The following KCNT2 variants were observed in gnomAD, a reference collection of about 807,000 sequenced individuals.
The protein encoded by KCNT2 is potassium sodium-activated channel subfamily T member 2, also known as potassium channel subfamily T member 2.
A neutral mutation model predicts 153.8 loss-of-function variants in KCNT2; 67 were observed. The ratio of observed to expected loss-of-function variants is 0.44; its 90% CI spans 0.36 to 0.53. The LOEUF (loss-of-function observed/expected upper bound fraction) is 0.53. KCNT2 is among the 20% of genes least tolerant of loss of function. The pLI is 0.00. For missense variants in KCNT2, 975 were observed against 1,354.8 expected (o/e 0.72, Z 4.40); for synonymous variants, 500 against 458.8 (o/e 1.09, Z -1.15).
At chr1:196,601,937 A>G (rs1363250466) in intron 1 of KCNT2, among the ~76,000 whole-genome samples, 1 of 152,200 alleles carries the variant, frequency 6.6e-6, no homozygotes, top group Non-Finnish European at 1.5e-5. Flanking sequence ...CCTATTTACT[A>G]TCTCACAATG....
At chr1:196,528,474 G>T (rs1429863597) in intron 1 of KCNT2, among the ~76,000 whole-genome samples, 1 of 152,044 alleles carries the variant, frequency 6.6e-6, no homozygotes, top group African/African-American at 2.4e-5. Flanking sequence ...AGTAGAAATG[G>T]CATGAACTAA....
At chr1:196,284,483 C>T (rs1481416394) in intron 23 of KCNT2, among the ~76,000 whole-genome samples, 1 of 150,978 alleles carries the variant, frequency 6.6e-6, no homozygotes, top group Non-Finnish European at 1.5e-5. Context: ...ACAGAGGATA[C>T]TGTGGCTAAA....
At chr1:196,563,890 A>T (rs1201979025) in intron 1 of KCNT2, among the ~76,000 whole-genome samples, 1 of 151,990 alleles carries the variant, frequency 6.6e-6, no homozygotes, top group East Asian at 1.9e-4. Context: ...TTACAAGCCC[A>T]CATCACACAT....
chr1:196,526,769 G>A (rs993975425), intron 1 of KCNT2, among the ~76,000 whole-genome samples: 3 of 151,870 alleles, frequency 2.0e-5, no homozygotes, highest in African/African-American at 7.3e-5. Context: ...GTTTTTTTTG[G>A]ATAAGCCAAT....
At chr1:196,447,495 A>C (rs537624258) in intron 8 of KCNT2, among the ~76,000 whole-genome samples, 1 of 151,680 alleles carries the variant, frequency 6.6e-6, no homozygotes, top group Non-Finnish European at 1.5e-5. Flanking sequence ...AGTACGATGT[A>C]AGTTGGGGTC....
At chr1:196,408,980 G>A (rs76559586) in intron 12 of KCNT2, among the ~76,000 whole-genome samples, 2,174 of 150,892 alleles carry the variant, frequency 0.014, 45 homozygotes, top group South Asian at 0.064. Flanking sequence ...AAGACTAACT[G>A]TAGCTTTTTA....
At chr1:196,356,267 G>C (rs918405700) in intron 14 of KCNT2, among the ~76,000 whole-genome samples, 3 of 151,510 alleles carry the variant, frequency 2.0e-5, no homozygotes, top group African/African-American at 7.3e-5. Context: ...ACATATAAAA[G>C]CAATATTAAA....
chr1:196,303,439 A>G lies in KCNT2; in HGVS notation c.2595+1795T>C, dbSNP rs147691911. Among the ~76,000 whole-genome samples the G allele has an allele frequency of 4.9e-3, 753 of 152,330 alleles. 4 individuals carry two copies. Among genetic ancestry groups the G allele is most frequent in the African/African-American group, 0.017 (704 of 41,582 alleles). ...TTTTCCCTAATGCAATAAGCACACA[A>G]GCATGTCAATACAAATGCTCACAAA... On this transcript the variant is annotated intron_variant, in intron 22 of 27. Transcript: ENST00000294725.
chr1:196,243,227 TTTC>T (rs1270863896), intron 26 of KCNT2, among the ~76,000 whole-genome samples: 1 of 152,212 alleles, frequency 6.6e-6, no homozygotes, highest in Non-Finnish European at 1.5e-5. Flanking sequence ...CCACTCTAGC[TTTC>T]TTCTTTTCAT....
chr1:196,572,668 A>G (rs1660916966), intron 1 of KCNT2, among the ~76,000 whole-genome samples: 1 of 152,076 alleles, frequency 6.6e-6, no homozygotes, highest in Non-Finnish European at 1.5e-5. Flanking sequence ...AAAAGTTGCT[A>G]TATTTTATTG....
intron 1 of KCNT2, among the ~76,000 whole-genome samples, chr1:196,589,003 A>C (rs914748068): frequency 6.6e-6 from 1 of 151,982 alleles, no homozygotes; most frequent in African/African-American, 2.4e-5. Flanking sequence ...AAGAATGTAA[A>C]ATATCAACAT....
chr1:196,398,745 C>CAA (rs1017882728), intron 12 of KCNT2, 74 bp from the exon 13 acceptor site: 73 of 785,706 alleles, frequency 9.3e-5, no homozygotes, highest in Admixed American at 5.6e-4. Context: ...AGTAAGCAAT[C>CAA]AGTTTGCTTG....
chr1:196,314,393 GAA>G (rs944472941), intron 21 of KCNT2, among the ~76,000 whole-genome samples: 1 of 151,076 alleles, frequency 6.6e-6, no homozygotes, highest in Non-Finnish European at 1.5e-5. Context: ...ATTCTCTAGA[GAA>G]AAAAAATTTA....
chr1:196,381,017 C>G (rs1669439043), intron 13 of KCNT2, among the ~76,000 whole-genome samples: 1 of 152,194 alleles, frequency 6.6e-6, no homozygotes, highest in South Asian at 2.1e-4. Context: ...CTTAGTTTCA[C>G]TAGATCTAAC....
intron 18 of KCNT2, among the ~76,000 whole-genome samples, chr1:196,327,990 G>A (rs1664056422): frequency 6.6e-6 from 1 of 152,044 alleles, no homozygotes; most frequent in Admixed American, 6.6e-5. Context: ...ACAAAACACT[G>A]CTGAAAACAA....
At chr1:196,520,397 A>C (rs1168402761) in intron 1 of KCNT2, among the ~76,000 whole-genome samples, 1 of 151,944 alleles carries the variant, frequency 6.6e-6, no homozygotes, top group Non-Finnish European at 1.5e-5. Context: ...AATTGGCACA[A>C]GAGAAAGATG....
At chr1:196,480,708 T>G (rs1157781557) in intron 4 of KCNT2, among the ~76,000 whole-genome samples, 1 of 151,552 alleles carries the variant, frequency 6.6e-6, no homozygotes, top group Non-Finnish European at 1.5e-5. Context: ...ACAAAAAAAG[T>G]AGCCGGGCGT....
chr1:196,405,373 A>G (rs1157297381), intron 12 of KCNT2, among the ~76,000 whole-genome samples: 1 of 151,516 alleles, frequency 6.6e-6, no homozygotes, highest in African/African-American at 2.4e-5. Context: ...TGTGAAACAG[A>G]ACATTTTACC....
intron 1 of KCNT2, among the ~76,000 whole-genome samples, chr1:196,553,828 T>A (rs555594361): frequency 4.0e-4 from 61 of 151,068 alleles, no homozygotes; most frequent in Middle Eastern, 3.4e-3. Context: ...ACAATAGCAA[T>A]TATGAAAGGT....
Sources: allele counts gnomAD v4.1 joint callset (sites outside exome capture counted in the v4.1 genomes callset), GRCh38; gene constraint gnomAD v4.1.1; transcripts MANE v1.5; gene names NCBI Gene and HGNC (gene_info 2026-07-23, HGNC 2026-07-21).